The following TBL1Y variants were observed in gnomAD, a reference collection of about 807,000 sequenced individuals.
TBL1Y encodes the protein transducin beta like 1 Y-linked.
TBL1Y carries 15 observed loss-of-function variants against 12.0 expected under a neutral mutation model. That is an observed-to-expected ratio of 1.25 (90% CI 0.83 to 1.92). The LOEUF (loss-of-function observed/expected upper bound fraction) is 1.92, where lower values mean the gene tolerates loss of function less well. TBL1Y is among the 40% of genes most tolerant of loss of function. The pLI, the probability that TBL1Y is intolerant of heterozygous loss-of-function variation, is 0.00. For missense variants in TBL1Y, 148 were observed against 116.7 expected, an observed-to-expected ratio of 1.27 and a Z score of -1.24; for synonymous variants, 53 against 42.6, an observed-to-expected ratio of 1.24 and a Z score of -0.95.
intron 6 of TBL1Y, among the ~76,000 whole-genome samples, chrY:7,033,698 A>G: frequency 5.9e-5 from 2 of 33,749 alleles, no homozygotes; most frequent in Non-Finnish European, 1.5e-4. Flanking sequence ...AGTAAACGTA[A>G]TTCATCACAT....
At chrY:7,024,393 A>G (rs2012610925) in intron 5 of TBL1Y, among the ~76,000 whole-genome samples, 1 of 33,469 alleles carries the variant, frequency 3.0e-5, no homozygotes, top group Non-Finnish European at 7.4e-5. Flanking sequence ...ATTTCTCCAC[A>G]TCTTCTCCAG....
chrY:7,003,115 C>A, intron 4 of TBL1Y, among the ~76,000 whole-genome samples: 1 of 33,833 alleles, frequency 3.0e-5, no homozygotes, highest in South Asian at 6.9e-4. Context: ...AATACTAAGA[C>A]AGAGAGTGTG....
chrY:7,062,754 C>T (rs761792398), intron 7 of TBL1Y, among the ~76,000 whole-genome samples: 2 of 33,382 alleles, frequency 6.0e-5, no homozygotes, highest in South Asian at 1.4e-3. Context: ...CTCAATTTCC[C>T]CACTGGAAAT....
At chrY:6,985,147 C>T in intron 3 of TBL1Y, among the ~76,000 whole-genome samples, 1 of 34,169 alleles carries the variant, frequency 2.9e-5, no homozygotes, top group Non-Finnish European at 7.3e-5. Context: ...TTTGCTCTAT[C>T]TCAGCATGCT....
chrY:7,003,801 T>C, intron 4 of TBL1Y, among the ~76,000 whole-genome samples: 1 of 33,096 alleles, frequency 3.0e-5, no homozygotes, highest in South Asian at 7.0e-4. Flanking sequence ...CTCCCCCTTT[T>C]TTAAAATAAG....
At chrY:7,035,262 T>C in intron 6 of TBL1Y, among the ~76,000 whole-genome samples, 1 of 33,973 alleles carries the variant, frequency 2.9e-5, no homozygotes, top group African/African-American at 1.1e-4. Flanking sequence ...TGAGATACCA[T>C]CTCACACCAG....
At chrY:7,064,178 G>T (rs747629623) in intron 8 of TBL1Y, 29 bp downstream of exon 8, 1 of 395,621 alleles carries the variant, frequency 2.5e-6, no homozygotes, top group Non-Finnish European at 3.6e-6. Flanking sequence ...GAAGTTTGGT[G>T]GGCCTCTCTG....
chrY:7,049,770 C>G, intron 7 of TBL1Y, among the ~76,000 whole-genome samples: 1 of 33,016 alleles, frequency 3.0e-5, no homozygotes, highest in South Asian at 7.0e-4. Flanking sequence ...GGATGTTAGC[C>G]CTTTGTCATA....
At chrY:7,009,188 T>G (rs867463945) in intron 4 of TBL1Y, among the ~76,000 whole-genome samples, 20 of 34,119 alleles carry the variant, frequency 5.9e-4, no homozygotes, top group African/African-American at 8.0e-4. Flanking sequence ...CATGCTTATT[T>G]TATGAATTGA....
intron 2 of TBL1Y, among the ~76,000 whole-genome samples, chrY:6,951,602 T>C: frequency 1.2e-4 from 4 of 33,574 alleles, no homozygotes; most frequent in Admixed American, 5.5e-4. Flanking sequence ...CTATCAGTTT[T>C]GCTGATCTTT....
intron 6 of TBL1Y, among the ~76,000 whole-genome samples, chrY:7,033,650 A>G: frequency 3.0e-5 from 1 of 33,537 alleles, no homozygotes; most frequent in Admixed American, 2.8e-4. Context: ...AGTTGGCTTT[A>G]TCCCTGGGAT....
intron 7 of TBL1Y, 72 bp from the exon 8 acceptor site, chrY:7,063,825 C>T (rs2012924987): frequency 1.1e-5 from 4 of 372,548 alleles, no homozygotes; most frequent in African/African-American, 6.6e-5. Context: ...CTCTCCTGCC[C>T]AGAGAGTAGA....
chrY:7,063,343 C>G (rs2012904405), intron 7 of TBL1Y, among the ~76,000 whole-genome samples: 3 of 33,954 alleles, frequency 8.8e-5, no homozygotes, highest in Admixed American at 5.3e-4. Context: ...GGGAAGGGTT[C>G]TTATCCCTGA....
chrY:7,070,284 G>A lies in TBL1Y; in HGVS notation c.546G>A (p.Val182=). The A allele has an allele frequency of 7.5e-6, 3 of 398,127 alleles. No homozygotes were observed. Among genetic ancestry groups the A allele is most frequent in the Non-Finnish European group, 1.1e-5 (3 of 283,348 alleles). ...TCCTTCGGGGCCACGAGTCTGAGGTGTTCATTTGTGCCTGGAACCCTGTCA... is the reference window on the plus strand; with the variant it reads ...TCCTTCGGGGCCACGAGTCTGAGGTATTCATTTGTGCCTGGAACCCTGTCA... The part of the protein sequence containing the change: ...ATVLRGHESE[V]FICAWNPVSD... Residue 182 remains valine (V), a synonymous_variant, in exon 9 of 19, where the codon GTG becomes GTA. Coordinates refer to ENST00000383032, the MANE Select transcript of TBL1Y (RefSeq NM_033284.2).
chrY:6,989,220 C>A (rs1603034655), intron 3 of TBL1Y, among the ~76,000 whole-genome samples: 1 of 32,464 alleles, frequency 3.1e-5, no homozygotes, highest in Non-Finnish European at 7.5e-5. Flanking sequence ...AAAAAAAAAT[C>A]AAAAATGTGA....
chrY:7,063,403 C>A (rs773234930), intron 7 of TBL1Y, among the ~76,000 whole-genome samples: 1 of 33,173 alleles, frequency 3.0e-5, no homozygotes, highest in Admixed American at 2.7e-4. Flanking sequence ...TAGGGTTAGA[C>A]CACACAGGCT....
At chrY:6,988,032 A>G in intron 3 of TBL1Y, among the ~76,000 whole-genome samples, 1 of 33,361 alleles carries the variant, frequency 3.0e-5, no homozygotes, top group Non-Finnish European at 7.3e-5. Context: ...GGACCTGGGC[A>G]ACTGGGGAGC....
At chrY:7,025,192 C>G in intron 6 of TBL1Y, 50 bp downstream of exon 6, 1 of 349,062 alleles carries the variant, frequency 2.9e-6, no homozygotes, top group South Asian at 3.2e-5. Flanking sequence ...GAGCATCTTA[C>G]GAGCAGAATG....
intron 2 of TBL1Y, among the ~76,000 whole-genome samples, chrY:6,922,400 G>A: frequency 5.8e-5 from 2 of 34,348 alleles, no homozygotes; most frequent in Non-Finnish European, 1.5e-4. Flanking sequence ...GCTGATTGGT[G>A]GGTTTACAAT....
Sources: allele counts gnomAD v4.1 joint callset (sites outside exome capture counted in the v4.1 genomes callset), GRCh38; gene constraint gnomAD v4.1.1; transcripts MANE v1.5; gene names NCBI Gene and HGNC (gene_info 2026-07-23, HGNC 2026-07-21).